CUL1: variants seen among roughly 807,000 people sequenced by gnomAD.
CUL1 encodes the protein cullin-1.
Under a neutral mutation model 118.0 loss-of-function variants are expected in CUL1, and 24 were observed. That is an observed-to-expected ratio of 0.20 (90% confidence interval 0.15 to 0.29). The LOEUF is 0.29. Ranked by LOEUF, CUL1 falls within the 10% of genes least tolerant of loss-of-function variation. The pLI, the probability that CUL1 is intolerant of heterozygous loss-of-function variation, is 1.00. For missense variants in CUL1, 361 were observed against 933.8 expected, an observed-to-expected ratio of 0.39 and a Z score of 7.99; for synonymous variants, 332 against 340.4, an observed-to-expected ratio of 0.98 and a Z score of 0.27.
At chr7:148,772,423 AAC>A (rs1800244478) in intron 9 of CUL1, among the ~76,000 whole-genome samples, 2 of 64,176 alleles carry the variant, frequency 3.1e-5, no homozygotes, top group Non-Finnish European at 5.7e-5. Flanking sequence ...TCAAAAAAAA[AAC>A]AAAAAAAAAA....
intron 9 of CUL1, among the ~76,000 whole-genome samples, chr7:148,782,074 C>T (rs1800658437): frequency 6.6e-6 from 1 of 152,132 alleles, no homozygotes; most frequent in Admixed American, 6.5e-5. Context: ...GTGTTTGAAT[C>T]CTCGCTGTAG....
intron 2 of CUL1, among the ~76,000 whole-genome samples, chr7:148,740,890 A>C (rs547259022): frequency 6.6e-6 from 1 of 152,170 alleles, no homozygotes; most frequent in South Asian, 2.1e-4. Flanking sequence ...CCAGAAACCA[A>C]CCCTGACAGT....
intron 9 of CUL1, among the ~76,000 whole-genome samples, chr7:148,780,673 TAAC>T (rs1435490947): frequency 6.6e-6 from 1 of 152,184 alleles, no homozygotes; most frequent in East Asian, 1.9e-4. Flanking sequence ...GTCCTAGGTA[TAAC>T]AACAACTGAA....
At chr7:148,725,251 G>A (rs937744673) in intron 1 of CUL1, among the ~76,000 whole-genome samples, 18 of 103,002 alleles carry the variant, frequency 1.7e-4, no homozygotes, top group Admixed American at 3.7e-4. Flanking sequence ...ACACACACCC[G>A]TACCCCTCTA....
chr7:148,738,982 G>A (rs907651381), intron 2 of CUL1, among the ~76,000 whole-genome samples: 1 of 152,222 alleles, frequency 6.6e-6, no homozygotes, highest in African/African-American at 2.4e-5. Flanking sequence ...TCAGGGAGCA[G>A]CAGGAGCCCA....
At position 148,788,658 on chromosome 7, in the gene CUL1, C is replaced by T. The variant is rs770682250; in HGVS notation, c.1581C>T (p.Asn527=). The change falls in exon 14 of 22, where the codon AAC becomes AAT. Residue 527 remains asparagine (N), a synonymous_variant. Transcript: ENST00000325222. ...AGCAATTCAAAAAGCACTTGACAAACTCAGAACCCCTAGACTGTGAGTATC... is the reference window on the plus strand; with the variant it reads ...AGCAATTCAAAAAGCACTTGACAAATTCAGAACCCCTAGACTGTGAGTATC... The part of the protein sequence containing the change: ...LNEQFKKHLT[N]SEPLDLDFSI... 6.2e-7 allele frequency: 1 copy of T among 1,609,856 alleles called. No homozygotes were observed. Among genetic ancestry groups the T allele is most frequent in the Non-Finnish European group, 8.5e-7 (1 of 1,176,142 alleles).
At chr7:148,725,219 G>GCGCACGCGCACACA in intron 1 of CUL1, among the ~76,000 whole-genome samples, 4 of 140,058 alleles carry the variant, frequency 2.9e-5, no homozygotes, top group African/African-American at 8.5e-5. Flanking sequence ...ACACGCGCGC[G>GCGCACGCGCACACA]CTCACACACA....
chr7:148,752,639 C>T (rs559551202), intron 2 of CUL1, among the ~76,000 whole-genome samples: 2 of 152,084 alleles, frequency 1.3e-5, no homozygotes, highest in African/African-American at 2.4e-5. Context: ...TCTTAATCTA[C>T]AATTTTGAAT....
chr7:148,705,359 T>G (rs150045851), intron 1 of CUL1, among the ~76,000 whole-genome samples: 1 of 152,344 alleles, frequency 6.6e-6, no homozygotes, highest in African/African-American at 2.4e-5. Context: ...AAGAATTTGC[T>G]AAAAATTAGA....
chr7:148,767,883 T>C, intron 9 of CUL1, 134 bp downstream of exon 9: 1 of 910,870 alleles, frequency 1.1e-6, no homozygotes, highest in South Asian at 1.8e-5. Context: ...ATGTTTTGTC[T>C]TTTTGAAGTA....
At chr7:148,741,885 A>G (rs1289581424) in intron 2 of CUL1, among the ~76,000 whole-genome samples, 1 of 152,158 alleles carries the variant, frequency 6.6e-6, no homozygotes, top group Non-Finnish European at 1.5e-5. Context: ...AACACTTGTT[A>G]TTTTCTGACT....
chr7:148,740,874 C>T lies in CUL1; in HGVS notation c.140+10612C>T, dbSNP rs117294762. Among the ~76,000 whole-genome samples the T allele has an allele frequency of 4.1e-4, 62 of 152,282 alleles. 1 individual carries two copies. The highest frequency in any genetic ancestry group is 4.6e-4 in the Non-Finnish European group (31 of 68,018). On this transcript the variant is annotated intron_variant, in intron 2 of 21. Coordinates refer to ENST00000325222, the MANE Select transcript of CUL1 (RefSeq NM_003592.3). ...GGCCGTCTGCAACCCTGGAAGAGAG[C>T]CCTCACCAGAAACCAACCCTGACAG... is the stretch of plus-strand genomic sequence containing the variant.
In CUL1 at chr7:148,787,809, C is replaced by G. The variant is rs947352768; in HGVS notation, c.1479+689C>G. ...TTACTTTGCTGTCACGCAGCCCTTCCTCTGCCACCTCCTTTGCGTGCCTGT... is the reference window on the plus strand; with the variant it reads ...TTACTTTGCTGTCACGCAGCCCTTCGTCTGCCACCTCCTTTGCGTGCCTGT... On this transcript the variant is annotated intron_variant, in intron 13 of 21. Coordinates refer to ENST00000325222, the MANE Select transcript of CUL1 (RefSeq NM_003592.3). The surrounding 1 kb of genome is among the most constrained non-coding windows in gnomAD (Gnocchi z 5.5). Among the ~76,000 whole-genome samples the G allele has an allele frequency of 1.3e-5, 2 of 152,220 alleles. No individual in the cohort carries two copies. The highest frequency in any genetic ancestry group is 4.8e-5 in the African/African-American group (2 of 41,450).
upstream of CUL1, chr7:148,698,762 C>G (rs1168041087): frequency 6.5e-6 from 1 of 153,018 alleles, no homozygotes; most frequent in African/African-American, 2.4e-5. Context: ...TCGCCGGAGC[C>G]GGTGAGGCCG....
intron 2 of CUL1, among the ~76,000 whole-genome samples, chr7:148,749,471 A>G (rs1056474994): frequency 3.3e-5 from 5 of 152,002 alleles, no homozygotes; most frequent in Non-Finnish European, 2.9e-5. Flanking sequence ...AGATACAGTA[A>G]TGAAAATTAT....
chr7:148,747,795 A>G (rs1275563425), intron 2 of CUL1, among the ~76,000 whole-genome samples: 1 of 152,226 alleles, frequency 6.6e-6, no homozygotes, highest in East Asian at 1.9e-4. Context: ...ACTAAATTTG[A>G]CACAACCAAA....
At chr7:148,779,220 A>G (rs1800526507) in intron 9 of CUL1, among the ~76,000 whole-genome samples, 2 of 152,192 alleles carry the variant, frequency 1.3e-5, no homozygotes, top group Admixed American at 6.5e-5. Context: ...TGTGATTATC[A>G]TTATGTTCCT....
In CUL1 at chr7:148,704,033, T is replaced by C. The variant is rs1797803707; in HGVS notation, c.-162+5004T>C. On this transcript the variant is annotated intron_variant, in intron 1 of 21. Transcript: ENST00000325222. ...GTACTTTAGAATAATAAAACTTCTC[T>C]GTGTTAAAATTCCATAAACAGAATT... Among the ~76,000 whole-genome samples the C allele has an allele frequency of 2.6e-5, 4 of 152,182 alleles. No homozygotes were observed. The South Asian group carries it at 8.3e-4, about 31-fold the overall frequency.
intron 7 of CUL1, among the ~76,000 whole-genome samples, chr7:148,762,452 G>T (rs888120123): frequency 1.1e-4 from 16 of 152,264 alleles, no homozygotes; most frequent in African/African-American, 3.9e-4. Flanking sequence ...TGTGTATAAT[G>T]GTGGGCTAAA....
Sources: allele counts gnomAD v4.1 joint callset (sites outside exome capture counted in the v4.1 genomes callset), GRCh38; gene constraint gnomAD v4.1.1; non-coding constraint Gnocchi (gnomAD v3.1); transcripts MANE v1.5; gene names NCBI Gene and HGNC (gene_info 2026-07-23, HGNC 2026-07-21).